EIF4E2: variants seen among roughly 807,000 people sequenced by gnomAD.
EIF4E2 encodes the protein eukaryotic translation initiation factor 4E family member 2.
Under a neutral mutation model 34.2 loss-of-function variants are expected in EIF4E2, and 13 were observed. The observed-to-expected ratio is 0.38, with a 90% CI of 0.25 to 0.60. The LOEUF is 0.60. EIF4E2 is among the 20% of genes least tolerant of loss of function. The pLI, the probability that EIF4E2 is intolerant of heterozygous loss-of-function variation, is 0.62. For synonymous variants in EIF4E2, 100 were observed against 106.6 expected (o/e 0.94, Z 0.38); for missense variants, 222 against 315.1 (o/e 0.70, Z 2.24).
exon 7 of EIF4E2, chr2:232,583,018 G>C (rs1024102913): frequency 3.9e-5 from 6 of 152,166 alleles, no homozygotes; most frequent in Admixed American, 6.5e-5. Context: ...GTTTAAGTAG[G>C]AGATTAAATA....
intron 1 of EIF4E2, among the ~76,000 whole-genome samples, chr2:232,555,278 T>C (rs747584709): frequency 1.3e-5 from 2 of 152,184 alleles, no homozygotes; most frequent in Non-Finnish European, 2.9e-5. Flanking sequence ...ACCACACATA[T>C]AGTTATTGGG....
At chr2:232,583,275 C>T (rs2106261010) in exon 7 of EIF4E2, 1 of 112,678 alleles carries the variant, frequency 8.9e-6, no homozygotes, top group South Asian at 3.2e-4. Context: ...GAGAGTCGGT[C>T]TCCACTTTGC....
intron 6 of EIF4E2, chr2:232,580,802 G>T: frequency 9.5e-7 from 1 of 1,053,720 alleles, no homozygotes; most frequent in South Asian, 1.5e-5. Flanking sequence ...ATGTCATGGA[G>T]ACCCCGAGGG....
chr2:232,580,349 G>A (rs1693322856), intron 6 of EIF4E2, among the ~76,000 whole-genome samples: 1 of 152,066 alleles, frequency 6.6e-6, no homozygotes. Context: ...AGAAAGGGGG[G>A]GAGAGAGAAC....
In EIF4E2 at chr2:232,564,330, A is replaced by T. The variant is rs767095876; in HGVS notation, c.354A>T (p.Glu118Asp). The T allele has an allele frequency of 1.2e-5, 19 of 1,585,988 alleles. No individual in the cohort carries two copies. The South Asian group carries it at 2.0e-4, about 16-fold the overall frequency. ...TGHSDFHLFKEGIKPMWEDDA... is the reference protein window; with the variant it reads ...TGHSDFHLFKDGIKPMWEDDA... Reference sequence around the variant, plus strand: ...ACAGTGACTTCCATCTCTTCAAAGAAGGAATTAAACCCATGTGGGAGGTAA... The same window carrying T: ...ACAGTGACTTCCATCTCTTCAAAGATGGAATTAAACCCATGTGGGAGGTAA... The change falls in exon 4 of 7, where the codon GAA becomes GAT. Residue 118 changes from glutamate (E) to aspartate (D), a missense_variant. This residue lies in a region of EIF4E2 where 105 missense variants were observed against 195.1 expected (regional missense o/e 0.54). Transcript: ENST00000258416.
At chr2:232,565,675 T>C (rs1200177887) in intron 4 of EIF4E2, among the ~76,000 whole-genome samples, 1 of 152,138 alleles carries the variant, frequency 6.6e-6, no homozygotes, top group African/African-American at 2.4e-5. Context: ...CTTGACTGTT[T>C]CCAACTATCT....
At chr2:232,580,084 C>CACA in intron 6 of EIF4E2, among the ~76,000 whole-genome samples, 1 of 145,170 alleles carries the variant, frequency 6.9e-6, no homozygotes, top group Admixed American at 7.0e-5. Context: ...CACATACATA[C>CACA]CACACACACA....
At chr2:232,578,024 G>C (rs1291601007) in intron 6 of EIF4E2, among the ~76,000 whole-genome samples, 2 of 152,178 alleles carry the variant, frequency 1.3e-5, no homozygotes. Flanking sequence ...TCACTTCCCA[G>C]CTGGCTTGAG....
chr2:232,569,633 G>A (rs1157184347), downstream of EIF4E2: 1 of 152,458 alleles, frequency 6.6e-6, no homozygotes, highest in Non-Finnish European at 1.5e-5. Flanking sequence ...CTGTGTGGCT[G>A]TGTGTATATA....
intron 6 of EIF4E2, among the ~76,000 whole-genome samples, chr2:232,579,123 TACACACACACACACACACACACACAC>T (rs71056276): frequency 6.8e-6 from 1 of 146,518 alleles, no homozygotes; most frequent in Non-Finnish European, 1.5e-5. Context: ...AACTCAGAAA[TACACACACACACACACACACACACAC>T]ACACACACAC....
At chr2:232,574,317 T>C (rs1559322614) in intron 6 of EIF4E2, 2 of 1,550,492 alleles carry the variant, frequency 1.3e-6, no homozygotes, top group Non-Finnish European at 1.7e-6. Context: ...GATCGGACGC[T>C]CCCCCTCTGT....
intron 3 of EIF4E2, among the ~76,000 whole-genome samples, chr2:232,563,632 G>A (rs1692804939): frequency 6.6e-6 from 1 of 152,186 alleles, no homozygotes; most frequent in Non-Finnish European, 1.5e-5. Context: ...GCACCATGAT[G>A]TAGAGTGGTA....
At chr2:232,551,144 C>G in intron 1 of EIF4E2, 1 of 542,944 alleles carries the variant, frequency 1.8e-6, no homozygotes, top group Admixed American at 2.2e-5. Context: ...CCTCTCCCCT[C>G]TGAGCCTCAG....
chr2:232,557,684 A>G, intron 2 of EIF4E2, 200 bp from the exon 3 acceptor site: 1 of 623,932 alleles, frequency 1.6e-6, no homozygotes, highest in Admixed American at 2.7e-5. Context: ...AACACAGGTA[A>G]AGTGTTTCAG....
At chr2:232,570,106 G>A (rs756749189), downstream of EIF4E2, among the ~76,000 whole-genome samples, 2 of 152,162 alleles carry the variant, frequency 1.3e-5, no homozygotes, top group Non-Finnish European at 2.9e-5. Flanking sequence ...AAGTGTCTGT[G>A]GACTTAAGGT....
At position 232,550,689 on chromosome 2, in the gene EIF4E2, A is replaced by C; in HGVS notation, c.-36A>C. On this transcript the variant is annotated 5_prime_UTR_variant, in exon 1 of 7. Coordinates refer to ENST00000258416, the MANE Select transcript of EIF4E2 (RefSeq NM_004846.4). ...TGAGGGACCCGGTGGAGCGGAAGTC[A>C]CTCCCTGAGGCAGTGGCGACAGCGG... 1 of 1,580,758 alleles carries C rather than the reference A, an allele frequency of 6.3e-7. No individual in the cohort carries two copies. Among genetic ancestry groups the C allele is most frequent in the Non-Finnish European group, 8.6e-7 (1 of 1,164,872 alleles).
intron 1 of EIF4E2, among the ~76,000 whole-genome samples, chr2:232,552,064 C>T (rs1692356267): frequency 6.6e-6 from 1 of 152,112 alleles, no homozygotes; most frequent in Admixed American, 6.5e-5. Context: ...CCCTTATACC[C>T]CTTCCTCCAC....
At chr2:232,552,501 C>A (rs1177325053) in intron 1 of EIF4E2, among the ~76,000 whole-genome samples, 2 of 151,984 alleles carry the variant, frequency 1.3e-5, no homozygotes, top group African/African-American at 4.8e-5. Context: ...TGAGCCACCA[C>A]CCCCAGCCTC....
rs964891352 is a variant in EIF4E2, at chr2:232,568,467, T to C, written c.666-478T>C. 1.5e-5 allele frequency: 15 copies of C among 985,176 alleles called. No homozygotes were observed. The Admixed American group carries it at 3.7e-4, about 24-fold the overall frequency. 61.0% of individuals were successfully genotyped at this position (985,176 alleles called of 1,614,324 possible). On this transcript the variant is annotated intron_variant, in intron 6 of 6. Coordinates refer to ENST00000258416, the MANE Select transcript of EIF4E2 (RefSeq NM_004846.4). ...CTTTACTCTGGGCACATTTTTCTTATTCTCTATTCTGGGATAGAAGTAGTT... is the reference window on the plus strand; with the variant it reads ...CTTTACTCTGGGCACATTTTTCTTACTCTCTATTCTGGGATAGAAGTAGTT...
Sources: gnomAD v4.1 joint callset for allele counts (sites outside exome capture counted in the v4.1 genomes callset) on GRCh38, gnomAD v4.1.1 for gene constraint, gnomAD v4.1.1 regional missense constraint, MANE v1.5 for transcripts, NCBI Gene and HGNC (gene_info 2026-07-23, HGNC 2026-07-21) for gene names.